Variants in ABTB2 observed in about 807,000 individuals in gnomAD.
ABTB2 encodes ankyrin repeat and BTB domain containing 2.
In ABTB2, 56 loss-of-function variants were observed where a neutral mutation model predicts 104.1. That is an observed-to-expected ratio of 0.54 (90% CI 0.43 to 0.67). ABTB2 has a LOEUF of 0.67. ABTB2 is among the 30% of genes least tolerant of loss of function. The pLI is 0.00. For missense variants in ABTB2, 1,279 were observed against 1,407.7 expected (o/e 0.91, Z 1.46); for synonymous variants, 606 against 608.2 (o/e 1.00, Z 0.05).
intron 1 of ABTB2, chr11:34,335,719 T>C: frequency 7.2e-7 from 1 of 1,395,286 alleles, no homozygotes; most frequent in Non-Finnish European, 1.0e-6. Flanking sequence ...CAAAGTTTTA[T>C]AAAGCAGGCT....
At position 34,292,386 on chromosome 11, in the gene ABTB2, G is replaced by A. The variant is rs1161565537; in HGVS notation, c.883+64315C>T. ...GTTGGCCTTGGCCTGAAAACAGCTA[G>A]TTTTCCTCGGGTTCTTTTAGTCATG... On this transcript the variant is annotated intron_variant, in intron 1 of 16. Transcript: ENST00000435224. 2.0e-5 allele frequency among the ~76,000 whole-genome samples: 3 copies of A among 151,394 alleles called. 1 individual carries two copies. In the South Asian group the frequency reaches 6.2e-4, roughly 31 times the overall value.
At chr11:34,192,127 C>A (rs919149506) in intron 3 of ABTB2, among the ~76,000 whole-genome samples, 2 of 152,050 alleles carry the variant, frequency 1.3e-5, no homozygotes, top group Non-Finnish European at 2.9e-5. Flanking sequence ...CCCATTTCTA[C>A]AAAAATTTTT....
chr11:34,333,972 A>T (rs1855163123), intron 1 of ABTB2, among the ~76,000 whole-genome samples: 1 of 150,486 alleles, frequency 6.6e-6, no homozygotes, highest in African/African-American at 2.4e-5. Context: ...TGTCTCAAAC[A>T]TCTTGGTGCT....
At chr11:34,313,146 G>A (rs1368098335) in intron 1 of ABTB2, among the ~76,000 whole-genome samples, 2 of 152,162 alleles carry the variant, frequency 1.3e-5, no homozygotes, top group African/African-American at 4.8e-5. Context: ...ATTTATACAG[G>A]AGCCCATGTG....
chr11:34,289,307 T>C (rs192651794), intron 1 of ABTB2, among the ~76,000 whole-genome samples: 1 of 152,300 alleles, frequency 6.6e-6, no homozygotes, highest in Admixed American at 6.5e-5. Flanking sequence ...ACACAGCATT[T>C]TGCAATTAAT....
At chr11:34,184,170 G>A (rs949630764) in intron 3 of ABTB2, among the ~76,000 whole-genome samples, 1 of 152,118 alleles carries the variant, frequency 6.6e-6, no homozygotes, top group African/African-American at 2.4e-5. Context: ...CTCACGAAAG[G>A]GGGAGCTGCT....
At chr11:34,241,660 G>C (rs900969443) in intron 1 of ABTB2, among the ~76,000 whole-genome samples, 7 of 152,222 alleles carry the variant, frequency 4.6e-5, no homozygotes, top group African/African-American at 9.6e-5. Flanking sequence ...GGGAAGCCAA[G>C]GCAGGAGGAT....
chr11:34,221,364 C>A (rs1853619828), intron 1 of ABTB2, among the ~76,000 whole-genome samples: 2 of 152,210 alleles, frequency 1.3e-5, no homozygotes, highest in Admixed American at 1.3e-4. Context: ...AGACTTCATC[C>A]CCAAATACAG....
intron 3 of ABTB2, among the ~76,000 whole-genome samples, chr11:34,191,173 G>A (rs1853170464): frequency 6.6e-6 from 1 of 152,300 alleles, no homozygotes; most frequent in East Asian, 1.9e-4. Context: ...GGAGGCTGAG[G>A]TGGGAGGATC....
chr11:34,238,427 G>A (rs574842728), intron 1 of ABTB2, among the ~76,000 whole-genome samples: 1 of 152,276 alleles, frequency 6.6e-6, no homozygotes, highest in South Asian at 2.1e-4. Flanking sequence ...CTCCATGAGG[G>A]CAGGGCTTTT....
intron 1 of ABTB2, among the ~76,000 whole-genome samples, chr11:34,314,382 T>C (rs1207013484): frequency 1.3e-5 from 2 of 152,236 alleles, no homozygotes; most frequent in African/African-American, 4.8e-5. Context: ...TTTTTCTTAC[T>C]AGGGTATCTG....
At chr11:34,333,651 G>GA (rs1460735972) in intron 1 of ABTB2, among the ~76,000 whole-genome samples, 3 of 152,310 alleles carry the variant, frequency 2.0e-5, no homozygotes, top group Admixed American at 2.0e-4. Flanking sequence ...AGCTACTCGG[G>GA]AGGCTGAGGC....
chr11:34,342,914 C>T (rs1429165808), intron 1 of ABTB2, among the ~76,000 whole-genome samples: 1 of 150,828 alleles, frequency 6.6e-6, no homozygotes, highest in African/African-American at 2.4e-5. Context: ...GGTGTCACTC[C>T]CATTTCATTT....
chr11:34,239,480 G>GC (rs1255595244), intron 1 of ABTB2, among the ~76,000 whole-genome samples: 1 of 151,896 alleles, frequency 6.6e-6, no homozygotes, highest in Non-Finnish European at 1.5e-5. Flanking sequence ...GCAGACATGC[G>GC]CCCCCAAGCC....
At chr11:34,328,039 A>G (rs1160599648) in intron 1 of ABTB2, among the ~76,000 whole-genome samples, 1 of 152,158 alleles carries the variant, frequency 6.6e-6, no homozygotes, top group Non-Finnish European at 1.5e-5. Flanking sequence ...CATCAGCCCT[A>G]AGCAACTCTG....
chr11:34,197,581 A>G (rs1013733387), intron 2 of ABTB2, 43 bp from the exon 3 acceptor site: 20 of 1,365,570 alleles, frequency 1.5e-5, no homozygotes, highest in Non-Finnish European at 1.9e-5. Flanking sequence ...AGAGAAAAAA[A>G]GAAGACAAAG....
At chr11:34,247,001 A>T (rs1314109173) in intron 1 of ABTB2, among the ~76,000 whole-genome samples, 1 of 151,704 alleles carries the variant, frequency 6.6e-6, no homozygotes, top group East Asian at 1.9e-4. Context: ...GCATGCACCA[A>T]CATGCCCGGC....
At chr11:34,249,116 C>T (rs961237756) in intron 1 of ABTB2, among the ~76,000 whole-genome samples, 6 of 152,146 alleles carry the variant, frequency 3.9e-5, no homozygotes, top group Admixed American at 2.0e-4. Context: ...GCAACAAGAG[C>T]GAAACTCTGT....
chr11:34,350,950 A>C (rs1855391453), intron 1 of ABTB2, among the ~76,000 whole-genome samples: 1 of 152,230 alleles, frequency 6.6e-6, no homozygotes, highest in Non-Finnish European at 1.5e-5. Context: ...CAGGATTCTC[A>C]TGGGGACCTA....
Sources: allele counts gnomAD v4.1 joint callset (sites outside exome capture counted in the v4.1 genomes callset), GRCh38; gene constraint gnomAD v4.1.1; transcripts MANE v1.5; gene names NCBI Gene and HGNC (gene_info 2026-07-23, HGNC 2026-07-21).